The following DCAF8L2 variants were observed in gnomAD, a reference collection of about 807,000 sequenced individuals.
DCAF8L2 encodes the protein DDB1 and CUL4 associated factor 8 like 2.
For synonymous variants in DCAF8L2, 200 were observed against 190.9 expected (o/e 1.05, Z -0.39); for missense variants, 430 against 490.7 (o/e 0.88, Z 1.17).
At chrX:27,609,326 G>C (rs1927052224) in intron 1 of DCAF8L2, among the ~76,000 whole-genome samples, 1 of 111,482 alleles carries the variant, frequency 9.0e-6, no homozygotes, top group African/African-American at 3.3e-5. Context: ...TGACTTTCCA[G>C]GTCTCCCGAA....
the DCAF8L2 span, among the ~76,000 whole-genome samples, chrX:27,566,939 C>A: frequency 9.0e-6 from 1 of 111,087 alleles, no homozygotes; most frequent in Non-Finnish European, 1.9e-5. Context: ...TTGTTTTTCT[C>A]AAGGTACTTT....
the DCAF8L2 span, among the ~76,000 whole-genome samples, chrX:27,536,811 C>T: frequency 9.0e-6 from 1 of 111,615 alleles, no homozygotes; most frequent in South Asian, 3.8e-4. Flanking sequence ...GGTGCACAGG[C>T]GGGTCAGAGA....
chrX:27,617,002 A>AGTT (rs1485871868), intron 1 of DCAF8L2, among the ~76,000 whole-genome samples: 1 of 111,826 alleles, frequency 8.9e-6, no homozygotes, highest in South Asian at 3.7e-4. Context: ...CTGAGGTTTC[A>AGTT]AGCTAGACTG....
At chrX:27,590,179 G>A (rs896794493), upstream of DCAF8L2, among the ~76,000 whole-genome samples, 8 of 111,225 alleles carry the variant, frequency 7.2e-5, no homozygotes, top group African/African-American at 2.6e-4. Flanking sequence ...AATTAGATTA[G>A]GATGGAACTA....
At position 27,729,650 on chromosome X, in the gene DCAF8L2, G is replaced by C. The variant is rs1298117634; in HGVS notation, c.-59+13479G>C. ...TTCATAGATGGTATTTTCTATCTCA[G>C]TTCTCACATCGTGGAAGGGAAAAGT... On this transcript the variant is annotated intron_variant, in intron 4 of 4. Transcript: ENST00000451261. 4.9e-4 allele frequency among the ~76,000 whole-genome samples: 55 copies of C among 111,863 alleles called. No individual in the cohort carries two copies. In the Admixed American group the frequency reaches 5.2e-3, roughly 11 times the overall value.
At chrX:27,719,968 G>C (rs1215358534) in intron 4 of DCAF8L2, among the ~76,000 whole-genome samples, 6 of 110,241 alleles carry the variant, frequency 5.4e-5, no homozygotes, top group Admixed American at 4.9e-4. Flanking sequence ...CTTTGTCAAA[G>C]TCAATATGAC....
At chrX:27,532,977 T>G in the DCAF8L2 span, among the ~76,000 whole-genome samples, 87 of 103,427 alleles carry the variant, frequency 8.4e-4, 1 homozygote, top group African/African-American at 2.8e-3. Context: ...CTTGGGAGGC[T>G]GAGGCATGAG....
the DCAF8L2 span, among the ~76,000 whole-genome samples, chrX:27,584,534 C>T: frequency 9.1e-6 from 1 of 110,017 alleles, no homozygotes; most frequent in Non-Finnish European, 1.9e-5. Context: ...ATATGCCTCT[C>T]CAATTCCTAC....
At chrX:27,664,583 T>A (rs914296355) in intron 2 of DCAF8L2, among the ~76,000 whole-genome samples, 4 of 112,143 alleles carry the variant, frequency 3.6e-5, no homozygotes, top group African/African-American at 9.7e-5. Context: ...CAACAAAAAA[T>A]TTTTAATGTA....
intron 2 of DCAF8L2, among the ~76,000 whole-genome samples, chrX:27,668,644 T>G (rs1301131064): frequency 9.0e-6 from 1 of 111,663 alleles, no homozygotes; most frequent in Non-Finnish European, 1.9e-5. Context: ...ACATTTCTGG[T>G]TTCCTCTACT....
chrX:27,550,421 T>G, the DCAF8L2 span, among the ~76,000 whole-genome samples: 1 of 110,643 alleles, frequency 9.0e-6, no homozygotes, highest in African/African-American at 3.3e-5. Flanking sequence ...GGTCTCAAAC[T>G]CCTGGCATCA....
chrX:27,534,670 G>T, the DCAF8L2 span, among the ~76,000 whole-genome samples: 1 of 112,226 alleles, frequency 8.9e-6, no homozygotes, highest in African/African-American at 3.2e-5. Context: ...TGTGATATTA[G>T]AAGCACTTCT....
the DCAF8L2 span, among the ~76,000 whole-genome samples, chrX:27,544,516 T>A: frequency 1.8e-5 from 2 of 112,007 alleles, no homozygotes; most frequent in African/African-American, 3.2e-5. Flanking sequence ...GGTCAAAACA[T>A]CTTTAAACAC....
the DCAF8L2 span, among the ~76,000 whole-genome samples, chrX:27,528,759 T>C: frequency 9.0e-6 from 1 of 110,874 alleles, no homozygotes; most frequent in African/African-American, 3.3e-5. Context: ...AGTGACTACA[T>C]TTAACCTCTC....
chrX:27,587,636 T>A (rs1925927931), upstream of DCAF8L2, among the ~76,000 whole-genome samples: 2 of 111,428 alleles, frequency 1.8e-5, no homozygotes, highest in African/African-American at 6.5e-5. Context: ...CACTCAGGGA[T>A]CCAAAATTGA....
chrX:27,483,443 T>G, the DCAF8L2 span, among the ~76,000 whole-genome samples: 1 of 112,060 alleles, frequency 8.9e-6, no homozygotes, highest in South Asian at 3.6e-4. Flanking sequence ...ATGGCTTAAG[T>G]AGCAAAAAAT....
At chrX:27,502,433 C>T in the DCAF8L2 span, among the ~76,000 whole-genome samples, 1 of 89,518 alleles carries the variant, frequency 1.1e-5, no homozygotes, top group Non-Finnish European at 2.1e-5. Flanking sequence ...CCCAGCAAGG[C>T]CTTTCAGGTA....
At chrX:27,477,583 G>A in the DCAF8L2 span, among the ~76,000 whole-genome samples, 15 of 111,907 alleles carry the variant, frequency 1.3e-4, no homozygotes, top group Admixed American at 1.2e-3. Flanking sequence ...CACTGCGCCC[G>A]GCCTCTTTAG....
the DCAF8L2 span, among the ~76,000 whole-genome samples, chrX:27,533,442 T>C: frequency 9.0e-6 from 1 of 110,552 alleles, no homozygotes; most frequent in Non-Finnish European, 1.9e-5. Flanking sequence ...AAAAAAAAAT[T>C]AGATTAGTAA....
Sources: gnomAD v4.1 joint callset for allele counts (sites outside exome capture counted in the v4.1 genomes callset) on GRCh38, gnomAD v4.1.1 for gene constraint, MANE v1.5 for transcripts, NCBI Gene and HGNC (gene_info 2026-07-23, HGNC 2026-07-21) for gene names.